The following ACTR3C variants were observed in gnomAD, a reference collection of about 807,000 sequenced individuals.
The protein encoded by ACTR3C is actin-related protein 3C.
A neutral mutation model predicts 26.3 loss-of-function variants in ACTR3C; 18 were observed. The ratio of observed to expected loss-of-function variants is 0.68; its 90% CI spans 0.47 to 1.01. The LOEUF is 1.01. Among genes scored for constraint, ACTR3C ranks in the 50% least tolerant of loss-of-function variants. The pLI is 0.00. For synonymous variants in ACTR3C, 55 were observed against 94.5 expected (o/e 0.58, Z 2.42); for missense variants, 184 against 250.7 (o/e 0.73, Z 1.80).
chr7:149,909,958 A>G, the ACTR3C span, among the ~76,000 whole-genome samples: 2 of 148,530 alleles, frequency 1.3e-5, no homozygotes, highest in Middle Eastern at 3.4e-3. Context: ...ACTAACATAT[A>G]AATTACATTT....
At chr7:150,036,118 G>A in the ACTR3C span, among the ~76,000 whole-genome samples, 2,257 of 134,916 alleles carry the variant, frequency 0.017, 278 homozygotes, top group Non-Finnish European at 0.025. Flanking sequence ...AGCCAGGGGG[G>A]GAAGAGGGGT....
At chr7:150,101,982 A>T in the ACTR3C span, among the ~76,000 whole-genome samples, 2 of 151,738 alleles carry the variant, frequency 1.3e-5, no homozygotes, top group Non-Finnish European at 2.9e-5. Context: ...GGTAGATGTC[A>T]CTTACAGGGA....
chr7:149,904,384 G>A, the ACTR3C span, among the ~76,000 whole-genome samples: 1 of 151,546 alleles, frequency 6.6e-6, no homozygotes. Flanking sequence ...ACAAAAATTA[G>A]CTGAGCATGG....
At chr7:150,136,793 C>T in the ACTR3C span, among the ~76,000 whole-genome samples, 2 of 152,198 alleles carry the variant, frequency 1.3e-5, no homozygotes, top group Non-Finnish European at 1.5e-5. Context: ...TGCGAGGGCT[C>T]AGCCAAGTCT....
chr7:150,120,848 G>GA, the ACTR3C span, among the ~76,000 whole-genome samples: 1 of 152,162 alleles, frequency 6.6e-6, no homozygotes, highest in Admixed American at 6.5e-5. Flanking sequence ...TAAAATACTG[G>GA]AAAACTGAAT....
the ACTR3C span, chr7:150,045,202 T>C: frequency 6.6e-6 from 1 of 152,216 alleles, no homozygotes; most frequent in Non-Finnish European, 1.5e-5. Context: ...CTAATGTCTT[T>C]TTTTGTTTTT....
chr7:150,255,634 T>C (rs897451613), intron 6 of ACTR3C, among the ~76,000 whole-genome samples: 5 of 152,196 alleles, frequency 3.3e-5, no homozygotes, highest in Admixed American at 6.5e-5. Flanking sequence ...TGCAGACTCT[T>C]GCTAGTAACT....
the ACTR3C span, among the ~76,000 whole-genome samples, chr7:149,907,478 T>TCTCTCTCTCTCTCTCTCTCTCTCTCTC: frequency 1.0e-5 from 1 of 97,606 alleles, no homozygotes; most frequent in Non-Finnish European, 2.1e-5. Flanking sequence ...CTCTCTTCTC[T>TCTCTCTCTCTCTCTCTCTCTCTCTCTC]TCTCTCTCTC....
chr7:150,255,944 G>C (rs1046426795), intron 6 of ACTR3C, among the ~76,000 whole-genome samples: 1 of 152,140 alleles, frequency 6.6e-6, no homozygotes, highest in African/African-American at 2.4e-5. Context: ...AAATTTAAGT[G>C]GTTTCTCCAA....
At chr7:150,255,687 G>A (rs543621231) in intron 6 of ACTR3C, among the ~76,000 whole-genome samples, 47 of 152,208 alleles carry the variant, frequency 3.1e-4, no homozygotes, top group African/African-American at 8.9e-4. Flanking sequence ...TGGAATGATC[G>A]TTTGCCAACA....
the ACTR3C span, among the ~76,000 whole-genome samples, chr7:150,118,377 GAGA>G: frequency 9.2e-5 from 14 of 151,892 alleles, no homozygotes; most frequent in African/African-American, 2.9e-4. Context: ...AACCAGTTTA[GAGA>G]AGAACATAAA....
intron 1 of ACTR3C, among the ~76,000 whole-genome samples, chr7:150,318,535 G>A (rs1025459001): frequency 1.3e-4 from 20 of 152,250 alleles, no homozygotes; most frequent in African/African-American, 4.6e-4. Context: ...AGGCCAAGGT[G>A]GGCGGATCAC....
chr7:150,164,344 A>C, the ACTR3C span, among the ~76,000 whole-genome samples: 1 of 152,204 alleles, frequency 6.6e-6, no homozygotes, highest in Admixed American at 6.5e-5. Context: ...TTTCAGCCGG[A>C]CAAGACCACC....
At chr7:150,054,715 G>A in the ACTR3C span, among the ~76,000 whole-genome samples, 1 of 152,226 alleles carries the variant, frequency 6.6e-6, no homozygotes, top group South Asian at 2.1e-4. Context: ...CAGCATGCTT[G>A]TGTCATTAAA....
intron 6 of ACTR3C, among the ~76,000 whole-genome samples, chr7:150,269,499 G>A (rs115651996): frequency 0.096 from 14,122 of 146,950 alleles, 1,329 homozygotes; most frequent in African/African-American, 0.23. Context: ...GAGGGTAATG[G>A]CGTCAGCACC....
the ACTR3C span, among the ~76,000 whole-genome samples, chr7:150,110,899 G>C: frequency 6.8e-6 from 1 of 147,712 alleles, no homozygotes; most frequent in East Asian, 2.0e-4. Context: ...CCACTGCGAG[G>C]CTGGCAGGTG....
the ACTR3C span, chr7:149,891,139 T>G: frequency 1.8e-6 from 1 of 563,784 alleles, no homozygotes; most frequent in Non-Finnish European, 3.3e-6. Context: ...GTTTAAAATC[T>G]AAGCAATTTG....
chr7:150,036,087 CCCT>C, the ACTR3C span, among the ~76,000 whole-genome samples: 3 of 128,532 alleles, frequency 2.3e-5, 1 homozygote, highest in African/African-American at 8.5e-5. Context: ...GTGCTCCCCC[CCCT>C]GCGATGGGGG....
chr7:149,975,925 T>A, the ACTR3C span, among the ~76,000 whole-genome samples: 56 of 152,196 alleles, frequency 3.7e-4, no homozygotes, highest in African/African-American at 1.3e-3. Flanking sequence ...CAAAGTGAGA[T>A]CTGGGTGGGG....
Sources: gnomAD v4.1 joint callset for allele counts (sites outside exome capture counted in the v4.1 genomes callset) on GRCh38, gnomAD v4.1.1 for gene constraint, MANE v1.5 for transcripts, NCBI Gene and HGNC (gene_info 2026-07-23, HGNC 2026-07-21) for gene names.